Variants in EML1 observed in about 807,000 individuals in gnomAD.
The protein encoded by EML1 is EMAP like 1.
EML1 carries 27 observed loss-of-function variants against 110.4 expected under a neutral mutation model. That is an observed-to-expected ratio of 0.24 (90% CI 0.18 to 0.34). The LOEUF (loss-of-function observed/expected upper bound fraction) is 0.34. Ranked by LOEUF, EML1 falls within the 10% of genes least tolerant of loss-of-function variation. EML1 has a pLI of 1.00. For synonymous variants in EML1, 344 were observed against 385.8 expected, an observed-to-expected ratio of 0.89 and a Z score of 1.27; for missense variants, 741 against 1,030.9, an observed-to-expected ratio of 0.72 and a Z score of 3.85.
At position 99,911,414 on chromosome 14, in the gene EML1, G is replaced by A. The variant is rs753380816; in HGVS notation, c.1340-8G>A. On this transcript the variant is annotated splice_region_variant and splice_polypyrimidine_tract_variant and intron_variant, in intron 12 of 21. Transcript: ENST00000262233. The stretch of plus-strand genomic sequence containing the variant: ...ATGTGCTAATGATGGTTTTCTTGGT[G>A]TGTTTAGGTACAAATCGAATAAGCT... 6 of 1,568,516 alleles carry A rather than the reference G, an allele frequency of 3.8e-6. No individual in the cohort carries two copies. The highest frequency in any genetic ancestry group is 1.4e-5 in the African/African-American group (1 of 71,912).
At chr14:99,895,003 C>T (rs1364972313) in intron 6 of EML1, among the ~76,000 whole-genome samples, 2 of 152,092 alleles carry the variant, frequency 1.3e-5, no homozygotes, top group African/African-American at 2.4e-5. Context: ...CATTCCTGAA[C>T]GAAATAGCTG....
At chr14:99,777,565 A>G (rs8008290) in intron 1 of EML1, among the ~76,000 whole-genome samples, 19,524 of 152,026 alleles carry the variant, frequency 0.13, 1,466 homozygotes, top group East Asian at 0.36. Flanking sequence ...GATTACAGCC[A>G]CCTGCCACCA....
upstream of EML1, among the ~76,000 whole-genome samples, chr14:99,770,779 A>ATTTTTTTTTTTTTTTTTTTTTTTTT (rs34744469): frequency 1.1e-3 from 104 of 91,628 alleles, 9 homozygotes; most frequent in African/African-American, 1.8e-3. Context: ...GTTTCCGCTG[A>ATTTTTTTTTTTTTTTTTTTTTTTTT]TTTTTTTTTT....
intron 17 of EML1, among the ~76,000 whole-genome samples, chr14:99,928,989 C>T (rs149681483): frequency 7.9e-4 from 120 of 152,324 alleles, no homozygotes; most frequent in African/African-American, 2.8e-3. Flanking sequence ...TTATTTTGAA[C>T]GTCTGCTGAA....
At chr14:99,909,199 A>G in intron 10 of EML1, 146 bp from the exon 11 acceptor site, 1 of 1,259,508 alleles carries the variant, frequency 7.9e-7, no homozygotes, top group Non-Finnish European at 1.2e-6. Flanking sequence ...TGTTTTTAGC[A>G]AGATGGATTC....
intron 1 of EML1, among the ~76,000 whole-genome samples, chr14:99,796,384 G>A (rs948023091): frequency 6.6e-6 from 1 of 152,044 alleles, no homozygotes; most frequent in Non-Finnish European, 1.5e-5. Context: ...TCCTGAAAAG[G>A]CTCATCCTCA....
rs375953474 is a variant in EML1 at position 99,820,326 on chromosome 14, T to C, written c.67+26783T>C. Reference sequence around the variant, plus strand: ...TGCTCTCACTTGTAATCAGTGACGGTGTAGCCTAAGAAACCTGGTCACTCA... The same window carrying C: ...TGCTCTCACTTGTAATCAGTGACGGCGTAGCCTAAGAAACCTGGTCACTCA... On this transcript the variant is annotated intron_variant, in intron 1 of 21. Coordinates refer to ENST00000262233, the MANE Select transcript of EML1 (RefSeq NM_004434.3). Among the ~76,000 whole-genome samples the C allele has an allele frequency of 8.5e-5, 13 of 152,206 alleles. No individual in the cohort carries two copies. The East Asian group carries it at 1.2e-3, about 14-fold the overall frequency.
chr14:99,934,488 C>G (rs1054345468), intron 17 of EML1, among the ~76,000 whole-genome samples: 1 of 152,234 alleles, frequency 6.6e-6, no homozygotes, highest in African/African-American at 2.4e-5. Flanking sequence ...GGATTCCTGC[C>G]TGGCAGAAGG....
At chr14:99,799,710 C>T (rs2057839258) in intron 1 of EML1, among the ~76,000 whole-genome samples, 1 of 152,156 alleles carries the variant, frequency 6.6e-6, no homozygotes, top group African/African-American at 2.4e-5. Context: ...TAAAAAGTAA[C>T]CATTAATTGG....
chr14:99,746,153 G>A (rs2057105501), intron 1 of EML1, among the ~76,000 whole-genome samples: 1 of 152,206 alleles, frequency 6.6e-6, no homozygotes, highest in African/African-American at 2.4e-5. Context: ...CGAGCAAATG[G>A]AGATTTAGAG....
chr14:99,820,664 G>T (rs906866421), intron 1 of EML1, among the ~76,000 whole-genome samples: 1 of 152,178 alleles, frequency 6.6e-6, no homozygotes, highest in Non-Finnish European at 1.5e-5. Context: ...TTGTATACCG[G>T]TGTCTTAACG....
intron 1 of EML1, among the ~76,000 whole-genome samples, chr14:99,742,297 A>G (rs560032865): frequency 3.3e-5 from 5 of 152,320 alleles, no homozygotes; most frequent in Middle Eastern, 3.4e-3. Flanking sequence ...TGGAGGCAGC[A>G]AGTGGCCTGG....
chr14:99,766,343 C>T (rs1425607711), intron 1 of EML1, among the ~76,000 whole-genome samples: 1 of 146,284 alleles, frequency 6.8e-6, no homozygotes, highest in African/African-American at 2.5e-5. Context: ...TACAGGTGCC[C>T]ACCACCATGC....
At chr14:99,915,021 T>C in intron 15 of EML1, 1 of 355,364 alleles carries the variant, frequency 2.8e-6, no homozygotes, top group South Asian at 2.6e-5. Context: ...GCCTGCATTC[T>C]ATTTACAGTG....
chr14:99,836,547 T>A (rs2058544148), intron 1 of EML1, among the ~76,000 whole-genome samples: 1 of 152,216 alleles, frequency 6.6e-6, no homozygotes, highest in Admixed American at 6.5e-5. Context: ...CAGTATGATG[T>A]TGAATGTATA....
chr14:99,806,893 C>T (rs2057986572), intron 1 of EML1, among the ~76,000 whole-genome samples: 1 of 152,082 alleles, frequency 6.6e-6, no homozygotes. Context: ...ATGACATATG[C>T]CTTCTGATCG....
intron 1 of EML1, among the ~76,000 whole-genome samples, chr14:99,757,485 A>G (rs936962263): frequency 2.6e-5 from 4 of 152,248 alleles, no homozygotes; most frequent in East Asian, 1.9e-4. Context: ...GTGGATAAAC[A>G]TGCCACACGG....
chr14:99,745,179 A>T (rs1340423656), intron 1 of EML1, among the ~76,000 whole-genome samples: 1 of 151,832 alleles, frequency 6.6e-6, no homozygotes, highest in Non-Finnish European at 1.5e-5. Context: ...GATTCTCCTG[A>T]CTCAGCCTCC....
At chr14:99,777,318 C>T (rs1409300562) in intron 1 of EML1, among the ~76,000 whole-genome samples, 2 of 152,224 alleles carry the variant, frequency 1.3e-5, no homozygotes, top group Admixed American at 6.5e-5. Context: ...TCATTTCCCA[C>T]GCCATCCCTA....
Sources: allele counts gnomAD v4.1 joint callset (sites outside exome capture counted in the v4.1 genomes callset), GRCh38; gene constraint gnomAD v4.1.1; transcripts MANE v1.5; gene names NCBI Gene and HGNC (gene_info 2026-07-23, HGNC 2026-07-21).